Variants in ZFYVE28 observed in about 807,000 individuals in gnomAD.
ZFYVE28 encodes lateral signaling target protein 2 homolog.
Under a neutral mutation model 82.1 loss-of-function variants are expected in ZFYVE28, and 40 were observed. The observed-to-expected ratio is 0.49, with a 90% CI of 0.38 to 0.63. The LOEUF (loss-of-function observed/expected upper bound fraction) is 0.63, where lower values mean the gene tolerates loss of function less well. Ranked by LOEUF, ZFYVE28 falls within the 30% of genes least tolerant of loss-of-function variation. ZFYVE28 has a pLI of 0.00. For missense variants in ZFYVE28, 1,321 were observed against 1,242.1 expected (o/e 1.06, Z -0.96); for synonymous variants, 612 against 546.1 (o/e 1.12, Z -1.68).
intron 1 of ZFYVE28, among the ~76,000 whole-genome samples, chr4:2,414,510 C>T (rs1468984567): frequency 1.3e-5 from 2 of 152,152 alleles, no homozygotes; most frequent in Admixed American, 6.5e-5. Flanking sequence ...GTTAATAGCC[C>T]CCACTCTGAA....
At chr4:2,273,131 C>T in intron 10 of ZFYVE28, 42 bp downstream of exon 10, 1 of 1,520,326 alleles carries the variant, frequency 6.6e-7, no homozygotes, top group Non-Finnish European at 9.0e-7. Context: ...GGGACACGGC[C>T]ACCAGCGCAG....
chr4:2,296,561 C>A (rs1714599290), intron 8 of ZFYVE28, among the ~76,000 whole-genome samples: 1 of 152,046 alleles, frequency 6.6e-6, no homozygotes, highest in African/African-American at 2.4e-5. Flanking sequence ...CTGCCAGGGG[C>A]ATGAAGTGGG....
intron 10 of ZFYVE28, among the ~76,000 whole-genome samples, chr4:2,272,175 C>A (rs761531262): frequency 1.3e-5 from 2 of 152,242 alleles, no homozygotes; most frequent in Non-Finnish European, 2.9e-5. Flanking sequence ...TGGTAGAATG[C>A]AGCCTGGCGG....
chr4:2,281,660 G>A (rs1461077718), intron 8 of ZFYVE28, among the ~76,000 whole-genome samples: 1 of 152,204 alleles, frequency 6.6e-6, no homozygotes, highest in East Asian at 1.9e-4. Flanking sequence ...TCTCAACGCT[G>A]TTGCAGTGGG....
intron 1 of ZFYVE28, among the ~76,000 whole-genome samples, chr4:2,379,611 C>T (rs534680539): frequency 2.6e-5 from 4 of 152,260 alleles, no homozygotes; most frequent in East Asian, 1.9e-4. Context: ...AGATGGCACG[C>T]GCACCTCTGC....
rs111570756 is a variant in ZFYVE28 at position 2,351,669 on chromosome 4, G to A, written c.180+2264C>T. On this transcript the variant is annotated intron_variant, in intron 2 of 12. Coordinates refer to ENST00000290974, the MANE Select transcript of ZFYVE28 (RefSeq NM_020972.3). ...GTGGAGGTTGCAGTGAGCCGAGATC[G>A]TATGACTGCACTCCAGCCTGGGCGA... is the stretch of plus-strand genomic sequence containing the variant. Among the ~76,000 whole-genome samples the A allele has an allele frequency of 5.2e-4, 79 of 152,278 alleles. No individual in the cohort carries two copies. The South Asian group carries it at 0.014, about 28-fold the overall frequency.
chr4:2,353,418 T>A (rs1724769870), intron 2 of ZFYVE28, among the ~76,000 whole-genome samples: 1 of 152,202 alleles, frequency 6.6e-6, no homozygotes, highest in South Asian at 2.1e-4. Flanking sequence ...CGTCATCACT[T>A]GATAAAACTT....
At chr4:2,278,338 C>T (rs561206057) in intron 8 of ZFYVE28, among the ~76,000 whole-genome samples, 1 of 151,740 alleles carries the variant, frequency 6.6e-6, no homozygotes, top group South Asian at 2.1e-4. Flanking sequence ...CAGGCGTGCA[C>T]CACACTGCCC....
rs1722340286 is a variant in ZFYVE28 at position 2,339,151 on chromosome 4, T to A, written c.521+302A>T. ...TCTTCTCACCTGTGACGTCTCTTCATCTTCCGAGGCATCATGCATGTCTGG... is the reference window on the plus strand; with the variant it reads ...TCTTCTCACCTGTGACGTCTCTTCAACTTCCGAGGCATCATGCATGTCTGG... On this transcript the variant is annotated intron_variant, in intron 4 of 12. Transcript: ENST00000290974. This position sits in a 1 kb window ranked among gnomAD's most constrained non-coding sequence, Gnocchi z 5.0. Among the ~76,000 whole-genome samples, 1 of 152,268 alleles carries A rather than the reference T, an allele frequency of 6.6e-6. No homozygotes were observed. Among genetic ancestry groups the A allele is most frequent in the South Asian group, 2.1e-4 (1 of 4,824 alleles).
chr4:2,329,125 A>G (rs1720304181), intron 6 of ZFYVE28: 3 of 700,034 alleles, frequency 4.3e-6, no homozygotes, highest in African/African-American at 1.7e-5. Flanking sequence ...CATGAATTTT[A>G]GAACACCTTT....
At chr4:2,401,007 T>C (rs1169907122) in intron 1 of ZFYVE28, among the ~76,000 whole-genome samples, 3 of 152,192 alleles carry the variant, frequency 2.0e-5, no homozygotes, top group Admixed American at 2.0e-4. Context: ...ACTTATACTC[T>C]CTTTGTCCAC....
intron 1 of ZFYVE28, among the ~76,000 whole-genome samples, chr4:2,403,484 A>C (rs1438030860): frequency 2.0e-5 from 3 of 152,214 alleles, no homozygotes; most frequent in Non-Finnish European, 2.9e-5. Flanking sequence ...AGACCTCCCC[A>C]GGCCTGTGGT....
chr4:2,361,247 A>T (rs1234244725), intron 1 of ZFYVE28, among the ~76,000 whole-genome samples: 1 of 148,278 alleles, frequency 6.7e-6, no homozygotes, highest in Non-Finnish European at 1.5e-5. Flanking sequence ...AAAGCAGGAG[A>T]AAATATGCAC....
At chr4:2,368,788 TG>T (rs1412874278) in intron 1 of ZFYVE28, among the ~76,000 whole-genome samples, 2 of 152,262 alleles carry the variant, frequency 1.3e-5, no homozygotes, top group Non-Finnish European at 2.9e-5. Flanking sequence ...AGCAAGTTTT[TG>T]TGGGGACATA....
intron 1 of ZFYVE28, among the ~76,000 whole-genome samples, chr4:2,366,361 T>A (rs949208204): frequency 2.6e-5 from 4 of 152,258 alleles, no homozygotes; most frequent in Non-Finnish European, 4.4e-5. Flanking sequence ...CCCAGGCCTC[T>A]GCAGTTTCCC....
At chr4:2,361,035 A>C (rs538680804) in intron 1 of ZFYVE28, among the ~76,000 whole-genome samples, 1 of 152,354 alleles carries the variant, frequency 6.6e-6, no homozygotes, top group East Asian at 1.9e-4. Flanking sequence ...CACTTGTTAA[A>C]ATTTTTGAAA....
At position 2,332,522 on chromosome 4, in the gene ZFYVE28, T is replaced by G. The variant is rs949168382; in HGVS notation, c.701+3183A>C. Among the ~76,000 whole-genome samples, 2 of 152,070 alleles carry G rather than the reference T, an allele frequency of 1.3e-5. No homozygotes were observed. The highest frequency in any genetic ancestry group is 4.8e-5 in the African/African-American group (2 of 41,386). The stretch of plus-strand genomic sequence containing the variant: ...GTCCCCCTTCCAGCATCCAGAACAT[T>G]CCACAGCACTGTGGGTCAGCCCATC... On this transcript the variant is annotated intron_variant, in intron 6 of 12. Transcript: ENST00000290974. The surrounding 1 kb of genome is among the most constrained non-coding windows in gnomAD (Gnocchi z 4.7).
At chr4:2,290,084 A>G (rs1482890253) in intron 8 of ZFYVE28, among the ~76,000 whole-genome samples, 1 of 152,186 alleles carries the variant, frequency 6.6e-6, no homozygotes, top group African/African-American at 2.4e-5. Context: ...CAGCAGCGTG[A>G]TGGCAGGCCC....
Position 2,409,510 on chromosome 4 carries a change from C to T in ZFYVE28, c.39+8775G>A, listed in dbSNP as rs568291473. On this transcript the variant is annotated intron_variant, in intron 1 of 12. Transcript: ENST00000290974. This position sits in a 1 kb window ranked among gnomAD's most constrained non-coding sequence, Gnocchi z 4.4. Reference sequence around the variant, plus strand: ...CAAGTGCACCCAGCCTTTCAGGCTCCGCGACCCACACCCCCTTGCCACTCA... The same window carrying T: ...CAAGTGCACCCAGCCTTTCAGGCTCTGCGACCCACACCCCCTTGCCACTCA... 3.9e-3 allele frequency among the ~76,000 whole-genome samples: 592 copies of T among 152,292 alleles called. 2 individuals are homozygous for T. The highest frequency in any genetic ancestry group is 0.013 in the African/African-American group (548 of 41,560).
Sources: gnomAD v4.1 joint callset for allele counts (sites outside exome capture counted in the v4.1 genomes callset) on GRCh38, gnomAD v4.1.1 for gene constraint, Gnocchi (gnomAD v3.1) non-coding constraint, MANE v1.5 for transcripts, NCBI Gene and HGNC (gene_info 2026-07-23, HGNC 2026-07-21) for gene names.